ZNF284: variants seen among roughly 807,000 people sequenced by gnomAD.
ZNF284 encodes zinc finger protein 284.
In ZNF284, 12 loss-of-function variants were observed where a neutral mutation model predicts 12.9. That is an observed-to-expected ratio of 0.93 (90% CI 0.60 to 1.51). The LOEUF is 1.51. Among genes scored for constraint, ZNF284 ranks in the 40% most tolerant of loss-of-function variants. The probability of loss-of-function intolerance (pLI) is 0.00; values close to 1 mark genes in which losing one functional copy is unlikely to be tolerated. For synonymous variants in ZNF284, 225 were observed against 236.5 expected (o/e 0.95, Z 0.45); for missense variants, 667 against 707.3 (o/e 0.94, Z 0.65).
rs746837013 is a variant in ZNF284, at chr19:44,083,474, T to TATATATATAGAGAG, written c.235+1370_235+1371insTATATATAGAGAGA. Among the ~76,000 whole-genome samples the TATATATATAGAGAG allele has an allele frequency of 2.0e-3, 127 of 64,886 alleles. 2 individuals are homozygous for TATATATATAGAGAG. Among genetic ancestry groups the TATATATATAGAGAG allele is most frequent in the African/African-American group, 5.9e-3 (118 of 20,162 alleles). 42.6% of individuals were successfully genotyped at this position (64,886 alleles called of 152,430 possible). On this transcript the variant is annotated intron_variant, in intron 4 of 4. Transcript: ENST00000421176. ...AAATATATATATATATATATATATA[T>TATATATATAGAGAG]AGAGAGAGAGAGAGAGAGAGAGAGA...
intron 4 of ZNF284, among the ~76,000 whole-genome samples, chr19:44,084,059 C>T (rs1271628642): frequency 3.3e-5 from 5 of 152,158 alleles, no homozygotes; most frequent in African/African-American, 1.2e-4. Context: ...GGGCAACCAA[C>T]ATGGCAGGGT....
At position 44,086,054 on chromosome 19, in the gene ZNF284, T is replaced by C. The variant is rs771036587; in HGVS notation, c.576T>C (p.Leu192=). Residue 192 remains leucine (L), a synonymous_variant, in exon 5 of 5, where the codon CTT becomes CTC. Coordinates refer to ENST00000421176, the MANE Select transcript of ZNF284 (RefSeq NM_001037813.4). Reference sequence around the variant, plus strand: ...TCTGTTATAGCTCAGCTCTTTGTCTTCATCAGAAAGTTCACATGGGAGAGA... The same window carrying C: ...TCTGTTATAGCTCAGCTCTTTGTCTCCATCAGAAAGTTCACATGGGAGAGA... The part of the protein sequence containing the change: ...KRFCYSSALC[L]HQKVHMGEKR... 6.8e-6 allele frequency: 11 copies of C among 1,614,094 alleles called. No homozygotes were observed. The East Asian group carries it at 2.2e-4, about 33-fold the overall frequency.
chr19:44,074,439 T>A (rs1290147479), intron 1 of ZNF284, among the ~76,000 whole-genome samples: 2 of 152,180 alleles, frequency 1.3e-5, no homozygotes, highest in Non-Finnish European at 2.9e-5. Context: ...AAAAATAGTG[T>A]TAGAAATTCT....
At chr19:44,076,285 CTCT>C (rs1568519635) in intron 1 of ZNF284, 34 bp from the exon 2 acceptor site, 3 of 1,159,818 alleles carry the variant, frequency 2.6e-6, no homozygotes, top group Non-Finnish European at 2.5e-6. Context: ...CCCTTCATGT[CTCT>C]TTTTTTTTTT....
intron 1 of ZNF284, among the ~76,000 whole-genome samples, chr19:44,075,594 T>C (rs1317292327): frequency 6.6e-6 from 1 of 152,240 alleles, no homozygotes; most frequent in African/African-American, 2.4e-5. Flanking sequence ...ATAAAGTTCC[T>C]TATGGGGAGA....
At position 44,082,562 on chromosome 19, in the gene ZNF284, T is replaced by G. The variant is rs536279501; in HGVS notation, c.235+457T>G. Among the ~76,000 whole-genome samples the G allele has an allele frequency of 3.9e-5, 6 of 152,282 alleles. No homozygotes were observed. The South Asian group carries it at 1.2e-3, about 32-fold the overall frequency. On this transcript the variant is annotated intron_variant, in intron 4 of 4. Transcript: ENST00000421176. ...ACTTAGCAGATTAAACAACAAACAA[T>G]TATCTTTCTGTTCTTCAGATCTGAA...
chr19:44,086,478 T>G lies in ZNF284; in HGVS notation c.1000T>G (p.Cys334Gly), dbSNP rs777474939. The change falls in exon 5 of 5, where the codon TGC becomes GGC. Residue 334 changes from cysteine (C) to glycine (G), a missense_variant. Coordinates refer to ENST00000421176, the MANE Select transcript of ZNF284 (RefSeq NM_001037813.4). ...TCAGAGATCAGCACTTAATAGTCAT[T>G]GCATGGACCACACAAAAGAGAAACT... The part of the protein sequence containing the change: ...FGQRSALNSH[C>G]MDHTKEKLYK... The G allele has an allele frequency of 1.9e-6, 3 of 1,614,186 alleles. No individual in the cohort carries two copies. The highest frequency in any genetic ancestry group is 4.5e-5 in the East Asian group (2 of 44,882).
intron 4 of ZNF284, among the ~76,000 whole-genome samples, chr19:44,083,297 G>A (rs918389117): frequency 2.0e-5 from 3 of 151,522 alleles, no homozygotes; most frequent in African/African-American, 7.3e-5. Context: ...AGCTGGGTGT[G>A]GTAGCACAGT....
chr19:44,086,139 C>T lies in ZNF284; in HGVS notation c.661C>T (p.His221Tyr). ...TAGTCAGAACTCACAACTGCAAACTCATCAGAGAATCCACACTGGAGAGAA... is the reference window on the plus strand; with the variant it reads ...TAGTCAGAACTCACAACTGCAAACTTATCAGAGAATCCACACTGGAGAGAA... The part of the protein sequence containing the change: ...AFSQNSQLQT[H>Y]QRIHTGEKPF... Residue 221 changes from histidine (H) to tyrosine (Y), a missense_variant, in exon 5 of 5, where the codon CAT becomes TAT. Transcript: ENST00000421176. The T allele has an allele frequency of 6.2e-7, 1 of 1,614,184 alleles. No homozygotes were observed. Among genetic ancestry groups the T allele is most frequent in the Non-Finnish European group, 8.5e-7 (1 of 1,180,024 alleles).
chr19:44,086,823 C>T lies in ZNF284; in HGVS notation c.1345C>T (p.His449Tyr). The change falls in exon 5 of 5, where the codon CAC becomes TAC. Residue 449 changes from histidine to tyrosine, a missense_variant. Transcript: ENST00000421176. ...TAATCTTGACTTGCACCAGAGGGTC[C>T]ACACGGGAGAGAGACCTTATAATTG... ...KFNLDLHQRV[H>Y]TGERPYNCKE... 3 of 1,614,094 alleles carry T rather than the reference C, an allele frequency of 1.9e-6. No individual in the cohort carries two copies. The South Asian group carries it at 3.3e-5, about 18-fold the overall frequency.
At chr19:44,080,489 G>C (rs1967104320) in intron 2 of ZNF284, among the ~76,000 whole-genome samples, 1 of 152,194 alleles carries the variant, frequency 6.6e-6, no homozygotes. Context: ...AGGAGGCTGA[G>C]GCAGGAGAAT....
chr19:44,076,413 G>C lies in ZNF284; in HGVS notation c.15+9G>C. The C allele has an allele frequency of 1.2e-6, 2 of 1,608,380 alleles. No homozygotes were observed. The highest frequency in any genetic ancestry group is 1.7e-6 in the Non-Finnish European group (2 of 1,176,956). ...AAATGACCATGTTCAAGGTGAGTAA[G>C]TCTGGTCTCTTTTGCTGTTCAGATT... On this transcript the variant is annotated intron_variant, in intron 2 of 4. Coordinates refer to ENST00000421176, the MANE Select transcript of ZNF284 (RefSeq NM_001037813.4).
intron 1 of ZNF284, 46 bp from the exon 2 acceptor site, chr19:44,076,276 C>T (rs1353603416): frequency 1.9e-6 from 2 of 1,057,198 alleles, no homozygotes; most frequent in Non-Finnish European, 2.8e-6. Flanking sequence ...ACTGACCACC[C>T]CTTCATGTCT....
intron 2 of ZNF284, among the ~76,000 whole-genome samples, chr19:44,078,137 A>C (rs1434839570): frequency 6.6e-6 from 1 of 152,246 alleles, no homozygotes; most frequent in African/African-American, 2.4e-5. Flanking sequence ...AAAAAAATTC[A>C]AAGGAATATG....
intron 2 of ZNF284, among the ~76,000 whole-genome samples, chr19:44,080,585 C>T (rs1568521335): frequency 6.6e-6 from 1 of 151,688 alleles, no homozygotes; most frequent in African/African-American, 2.4e-5. Flanking sequence ...GACTCTGTCT[C>T]AAAAAATAAA....
rs1967272270 is a variant in ZNF284 at position 44,087,130 on chromosome 19, G to A, written c.1652G>A (p.Ser551Asn). The stretch of plus-strand genomic sequence containing the variant: ...GATTGTGGGAAGAGCAGTGAGCACA[G>A]TTCATGCCTTCAAGACCAACAAAGC... ...CEDCGKSSEH[S>N]SCLQDQQSDH... Residue 551 changes from serine (S) to asparagine (N), a missense_variant, in exon 5 of 5, where the codon AGT becomes AAT. Ser to Asn is a conservative substitution (Grantham distance 46, BLOSUM62 1). Coordinates refer to ENST00000421176, the MANE Select transcript of ZNF284 (RefSeq NM_001037813.4). 4 of 1,614,130 alleles carry A rather than the reference G, an allele frequency of 2.5e-6. No individual in the cohort carries two copies. The highest frequency in any genetic ancestry group is 2.5e-6 in the Non-Finnish European group (3 of 1,180,016).
rs1967117733 is a variant in ZNF284, at chr19:44,081,140, G to T, written c.141G>T (p.Val47=). 6.2e-7 allele frequency: 1 copy of T among 1,610,602 alleles called. No individual in the cohort carries two copies. Among genetic ancestry groups the T allele is most frequent in the African/African-American group, 1.3e-5 (1 of 74,978 alleles). ...MLENFRNLLS[V]GHQLSHRDTF... ...AGAACTTCAGAAACCTGCTATCAGT[G>T]GGTGAGCACAGGCACCCTCTGTAAT... Residue 47 remains valine (V), a splice_region_variant and synonymous_variant, in exon 3 of 5, where the codon GTG becomes GTT. Coordinates refer to ENST00000421176, the MANE Select transcript of ZNF284 (RefSeq NM_001037813.4).
In ZNF284 at chr19:44,086,293, C is replaced by T; in HGVS notation, c.815C>T (p.Ser272Phe). The T allele has an allele frequency of 1.2e-6, 2 of 1,614,136 alleles. No homozygotes were observed. Among genetic ancestry groups the T allele is most frequent in the South Asian group, 1.1e-5 (1 of 91,080 alleles). Reference protein sequence around the residue: ...EECGKAFIHNSQLREHQRIHT... With the variant: ...EECGKAFIHNFQLREHQRIHT... ...TGTGGGAAGGCCTTCATTCACAATT[C>T]CCAGCTTCGGGAACATCAAAGAATC... Residue 272 changes from serine (S) to phenylalanine (F), a missense_variant, in exon 5 of 5, where the codon TCC becomes TTC. Coordinates refer to ENST00000421176, the MANE Select transcript of ZNF284 (RefSeq NM_001037813.4).
At position 44,088,268 on chromosome 19, in the gene ZNF284, CAT is replaced by C. The variant is rs55998103; in HGVS notation, c.*1009_*1010del. 98,550 of 151,804 alleles carry C rather than the reference CAT, an allele frequency of 0.65. 35,200 individuals are homozygous for C. Among genetic ancestry groups the C allele is most frequent in the Non-Finnish European group, 0.83 (56,116 of 67,908 alleles). 9.4% of individuals were successfully genotyped at this position (151,804 alleles called of 1,614,324 possible). On this transcript the variant is annotated 3_prime_UTR_variant, in exon 5 of 5. Transcript: ENST00000421176. ...TTTAGCTTCCACATATGTGTGAAAA[CAT>C]GTGGTATTTATCTTTCTGGGCCTGA...
Sources: gnomAD v4.1 joint callset for allele counts (sites outside exome capture counted in the v4.1 genomes callset) on GRCh38, gnomAD v4.1.1 for gene constraint, MANE v1.5 for transcripts, NCBI Gene and HGNC (gene_info 2026-07-23, HGNC 2026-07-21) for gene names.